SEMA5A: variants seen among roughly 807,000 people sequenced by gnomAD.
SEMA5A encodes the protein semaphorin 5A.
Under a neutral mutation model 135.5 loss-of-function variants are expected in SEMA5A, and 55 were observed. That is an observed-to-expected ratio of 0.41 (90% CI 0.33 to 0.51). The LOEUF is 0.51. Among genes scored for constraint, SEMA5A ranks in the 20% least tolerant of loss-of-function variants. SEMA5A has a pLI of 0.37. For missense variants in SEMA5A, 1,290 were observed against 1,419.9 expected (o/e 0.91, Z 1.47); for synonymous variants, 580 against 546.5 (o/e 1.06, Z -0.85).
intron 13 of SEMA5A, among the ~76,000 whole-genome samples, chr5:9,134,589 C>CA (rs1741625274): frequency 6.6e-6 from 1 of 152,204 alleles, no homozygotes; most frequent in Non-Finnish European, 1.5e-5. Context: ...TTGAGGGTCC[C>CA]ACGGGGACAA....
intron 16 of SEMA5A, among the ~76,000 whole-genome samples, chr5:9,082,319 A>G (rs1355561813): frequency 6.6e-6 from 1 of 152,182 alleles, no homozygotes; most frequent in East Asian, 1.9e-4. Context: ...CTGTATTTTA[A>G]TGGGGAAAAT....
Position 9,043,030 on chromosome 5 carries a change from T to C in SEMA5A, c.3106-14A>G. On this transcript the variant is annotated splice_polypyrimidine_tract_variant and intron_variant, in intron 22 of 22. Transcript: ENST00000382496. ...TTTGTTAAATGCCTGGAAAATATAT[T>C]AAAAAAAAACAGGTTTAAGAATGCT... 7.1e-7 allele frequency: 1 copy of C among 1,410,764 alleles called. No individual in the cohort carries two copies. The highest frequency in any genetic ancestry group is 9.7e-7 in the Non-Finnish European group (1 of 1,027,536). The allele number at this position is 1,410,764 out of a possible 1,614,324, so 87.4% of individuals were successfully genotyped here.
At chr5:9,108,365 G>A (rs1276666953) in intron 15 of SEMA5A, 78 bp from the exon 16 acceptor site, 2 of 1,534,008 alleles carry the variant, frequency 1.3e-6, no homozygotes, top group Non-Finnish European at 9.0e-7. Flanking sequence ...CTCCATCCCT[G>A]CACCAGATGT....
chr5:9,367,290 A>C (rs920131335), intron 3 of SEMA5A: 1 of 152,226 alleles, frequency 6.6e-6, no homozygotes, highest in Non-Finnish European at 1.5e-5. Flanking sequence ...AGAAAGTTCT[A>C]TTGGCCAGCA....
intron 1 of SEMA5A, among the ~76,000 whole-genome samples, chr5:9,493,989 A>G (rs558895762): frequency 6.6e-6 from 1 of 152,248 alleles, no homozygotes; most frequent in Admixed American, 6.5e-5. Flanking sequence ...TAAATATTGT[A>G]CCTATTTTTG....
At chr5:9,157,200 G>A (rs1743003708) in intron 11 of SEMA5A, among the ~76,000 whole-genome samples, 1 of 152,178 alleles carries the variant, frequency 6.6e-6, no homozygotes, top group African/African-American at 2.4e-5. Context: ...TCTCCTTGAA[G>A]CTCTTCCTTC....
At chr5:9,075,828 C>G (rs970762369) in intron 16 of SEMA5A, among the ~76,000 whole-genome samples, 2 of 152,116 alleles carry the variant, frequency 1.3e-5, no homozygotes, top group Non-Finnish European at 2.9e-5. Context: ...GTATGCCAAC[C>G]ATACCTCAAT....
chr5:9,513,602 GCTC>G (rs1243083963), intron 1 of SEMA5A, among the ~76,000 whole-genome samples: 1 of 152,132 alleles, frequency 6.6e-6, no homozygotes, highest in Non-Finnish European at 1.5e-5. Flanking sequence ...GGCGGCGGCA[GCTC>G]CTCACACAAA....
At chr5:9,169,034 G>T (rs964573551) in intron 11 of SEMA5A, among the ~76,000 whole-genome samples, 1 of 152,110 alleles carries the variant, frequency 6.6e-6, no homozygotes, top group African/African-American at 2.4e-5. Context: ...TGAAGTATTT[G>T]AGTTAGAAAA....
intron 1 of SEMA5A, among the ~76,000 whole-genome samples, chr5:9,453,503 T>C (rs1468419077): frequency 6.6e-6 from 1 of 152,226 alleles, no homozygotes. Context: ...AAGGCTGTGA[T>C]GTGCCCTATG....
In SEMA5A at chr5:9,138,283, A is replaced by T. The variant is rs539140182; in HGVS notation, c.1482-1662T>A. On this transcript the variant is annotated intron_variant, in intron 12 of 22. Coordinates refer to ENST00000382496, the MANE Select transcript of SEMA5A (RefSeq NM_003966.3). ...TCCCTAGTAGTAGTTTATACTGTTT[A>T]TACTAACTCACATATTCTGCAGATA... 3.2e-4 allele frequency among the ~76,000 whole-genome samples: 49 copies of T among 152,324 alleles called. No homozygotes were observed. The South Asian group carries it at 4.3e-3, about 14-fold the overall frequency.
At chr5:9,163,739 T>C (rs947136238) in intron 11 of SEMA5A, among the ~76,000 whole-genome samples, 5 of 151,768 alleles carry the variant, frequency 3.3e-5, no homozygotes, top group African/African-American at 4.8e-5. Context: ...TCATCTGATA[T>C]GAGTGTTGTC....
chr5:9,129,683 T>G (rs1231995775), intron 13 of SEMA5A, among the ~76,000 whole-genome samples: 1 of 152,184 alleles, frequency 6.6e-6, no homozygotes, highest in Non-Finnish European at 1.5e-5. Flanking sequence ...GCAATGAAAG[T>G]TTCTATTAGG....
chr5:9,342,948 C>T (rs1013627245), intron 3 of SEMA5A, among the ~76,000 whole-genome samples: 1 of 152,166 alleles, frequency 6.6e-6, no homozygotes, highest in Non-Finnish European at 1.5e-5. Flanking sequence ...GCTTCCTATA[C>T]AGCACATTTG....
At chr5:9,521,003 G>T (rs143001386) in intron 1 of SEMA5A, among the ~76,000 whole-genome samples, 1 of 152,282 alleles carries the variant, frequency 6.6e-6, no homozygotes, top group Non-Finnish European at 1.5e-5. Context: ...CATTAGCTGT[G>T]GCCAATGTAC....
chr5:9,197,454 C>T (rs535265325), intron 9 of SEMA5A, 151 bp from the exon 10 acceptor site: 2 of 915,320 alleles, frequency 2.2e-6, no homozygotes, highest in South Asian at 3.5e-5. Flanking sequence ...GAAGTCAGAG[C>T]GTGAATGGGG....
chr5:9,273,559 GA>G (rs200159904), intron 5 of SEMA5A, among the ~76,000 whole-genome samples: 1,566 of 152,092 alleles, frequency 0.01, 21 homozygotes, highest in African/African-American at 0.032. Context: ...AGGTCAAAAT[GA>G]AGGAAAAAAT....
At chr5:9,499,931 T>C (rs1384806079) in intron 1 of SEMA5A, among the ~76,000 whole-genome samples, 2 of 151,566 alleles carry the variant, frequency 1.3e-5, no homozygotes, top group Non-Finnish European at 2.9e-5. Flanking sequence ...AAGCTGGTTC[T>C]GCCCTGAAAA....
chr5:9,314,707 A>G (rs1002483490), intron 5 of SEMA5A, among the ~76,000 whole-genome samples: 1 of 152,174 alleles, frequency 6.6e-6, no homozygotes. Context: ...ATAAAAAAAA[A>G]AAGTGTGTCA....
Sources: gnomAD v4.1 joint callset for allele counts (sites outside exome capture counted in the v4.1 genomes callset) on GRCh38, gnomAD v4.1.1 for gene constraint, MANE v1.5 for transcripts, NCBI Gene and HGNC (gene_info 2026-07-23, HGNC 2026-07-21) for gene names.